DCAF15: variants seen among roughly 807,000 people sequenced by gnomAD.
DCAF15 encodes DDB1 and CUL4 associated factor 15, also known as DDB1- and CUL4-associated factor 15.
A neutral mutation model predicts 68.0 loss-of-function variants in DCAF15; 24 were observed. The observed-to-expected ratio is 0.35, with a 90% CI of 0.26 to 0.50. The LOEUF is 0.50. Ranked by LOEUF, DCAF15 falls within the 20% of genes least tolerant of loss-of-function variation. The probability of loss-of-function intolerance (pLI) is 0.98; values close to 1 mark genes in which losing one functional copy is unlikely to be tolerated. For synonymous variants in DCAF15, 376 were observed against 341.6 expected (o/e 1.10, Z -1.11); for missense variants, 627 against 830.6 (o/e 0.75, Z 3.01).
chr19:13,960,662 A>C, intron 12 of DCAF15, 82 bp downstream of exon 12: 2 of 1,354,704 alleles, frequency 1.5e-6, no homozygotes, highest in Non-Finnish European at 2.0e-6. Flanking sequence ...AGCGCTGATG[A>C]AATGGGTGGG....
At chr19:13,958,527 T>C (rs1973456699) in intron 6 of DCAF15, among the ~76,000 whole-genome samples, 1 of 152,114 alleles carries the variant, frequency 6.6e-6, no homozygotes, top group Admixed American at 6.5e-5. Flanking sequence ...TCTCCATGTG[T>C]TCCCCACATT....
In DCAF15 at chr19:13,954,585, G is replaced by C; in HGVS notation, c.290G>C (p.Ser97Thr). Residue 97 changes from serine (S) to threonine (T), a missense_variant, in exon 3 of 13, where the codon AGT becomes ACT. By Grantham distance (58) the Ser-to-Thr change is moderately conservative. This residue lies in a region of DCAF15 where 273 missense variants were observed against 393.7 expected (regional missense o/e 0.69). Transcript: ENST00000254337. The part of the protein sequence containing the change: ...GRYVLSYTSS[S>T]GDDDFSFYIY... Reference sequence around the variant, plus strand: ...TACGTCCTCTCCTACACCAGCAGCAGTGGGGATGACGACTTCTCCTTCTAC... The same window carrying C: ...TACGTCCTCTCCTACACCAGCAGCACTGGGGATGACGACTTCTCCTTCTAC... The C allele has an allele frequency of 6.2e-7, 1 of 1,614,216 alleles. No homozygotes were observed. Among genetic ancestry groups the C allele is most frequent in the Non-Finnish European group, 8.5e-7 (1 of 1,180,046 alleles).
rs781314168 is a variant in DCAF15 at position 13,956,199 on chromosome 19, A to G, written c.550A>G (p.Thr184Ala). 2.7e-5 allele frequency: 44 copies of G among 1,611,812 alleles called. No homozygotes were observed. Among genetic ancestry groups the G allele is most frequent in the South Asian group, 4.4e-5 (4 of 91,020 alleles). The change falls in exon 5 of 13, where the codon ACC becomes GCC. Residue 184 changes from threonine to alanine, a missense_variant. Transcript: ENST00000254337. ...DENHRDIYVSTVAVPPPGRCA... is the reference protein window; with the variant it reads ...DENHRDIYVSAVAVPPPGRCA... ...GAACCACCGTGACATCTACGTCAGC[A>G]CCGTGGCCGTGCCACCGCCAGGCCG...
intron 3 of DCAF15, 94 bp downstream of exon 3, chr19:13,954,755 G>A (rs919239518): frequency 1.5e-6 from 2 of 1,354,216 alleles, no homozygotes; most frequent in Middle Eastern, 2.1e-4. Flanking sequence ...GGTGTAAAAT[G>A]ATCATCATGT....
At chr19:13,958,783 GT>G (rs1973468171) in intron 6 of DCAF15, among the ~76,000 whole-genome samples, 1 of 152,112 alleles carries the variant, frequency 6.6e-6, no homozygotes, top group Non-Finnish European at 1.5e-5. Flanking sequence ...GGTTCTGTCT[GT>G]CTGGTTCACT....
At chr19:13,960,253 C>G (rs375251074) in intron 10 of DCAF15, 34 bp from the exon 11 acceptor site, 2 of 1,604,188 alleles carry the variant, frequency 1.2e-6, no homozygotes, top group African/African-American at 1.3e-5. Context: ...GCCCGGCTGT[C>G]CCAGCGTTTG....
At position 13,959,579 on chromosome 19, in the gene DCAF15, C is replaced by T; in HGVS notation, c.1220-3C>T. ...ACCCCACCCCCACTTCCTGCCTCCCCAGAGTTGGAGGACGACAAGATCTCC... is the reference window on the plus strand; with the variant it reads ...ACCCCACCCCCACTTCCTGCCTCCCTAGAGTTGGAGGACGACAAGATCTCC... On this transcript the variant is annotated splice_region_variant and splice_polypyrimidine_tract_variant and intron_variant, in intron 7 of 12. Coordinates refer to ENST00000254337, the MANE Select transcript of DCAF15 (RefSeq NM_138353.4). The T allele has an allele frequency of 6.2e-7, 1 of 1,613,076 alleles. No homozygotes were observed. The highest frequency in any genetic ancestry group is 8.5e-7 in the Non-Finnish European group (1 of 1,179,872).
At position 13,959,901 on chromosome 19, in the gene DCAF15, C is replaced by CCCAGGGCGGGCAGGGTGGGT. The variant is rs763354199; in HGVS notation, c.1440+25_1440+26insTCCAGGGCGGGCAGGGTGGG. ...ATGACATCGTCATTCTGGAGGTGGG[C>CCCAGGGCGGGCAGGGTGGGT]CCAGGGCGGGCAGGGTGGGCCCAGG... is the stretch of plus-strand genomic sequence containing the variant. On this transcript the variant is annotated splice_region_variant and intron_variant, in intron 9 of 12. Coordinates refer to ENST00000254337, the MANE Select transcript of DCAF15 (RefSeq NM_138353.4). 1.9e-6 allele frequency: 3 copies of CCCAGGGCGGGCAGGGTGGGT among 1,612,212 alleles called. No homozygotes were observed. Among genetic ancestry groups the CCCAGGGCGGGCAGGGTGGGT allele is most frequent in the Admixed American group, 1.7e-5 (1 of 60,016 alleles).
At chr19:13,960,608 A>G (rs1451711473) in intron 12 of DCAF15, 28 bp downstream of exon 12, 3 of 1,528,892 alleles carry the variant, frequency 2.0e-6, no homozygotes, top group Non-Finnish European at 2.7e-6. Flanking sequence ...CGTGATGGTC[A>G]GGGTCACCAG....
Position 13,959,285 on chromosome 19 carries a change from C to A in DCAF15, c.1025C>A (p.Ala342Asp), listed in dbSNP as rs780262152. 1.2e-6 allele frequency: 2 copies of A among 1,610,230 alleles called. No homozygotes were observed. The highest frequency in any genetic ancestry group is 2.2e-5 in the South Asian group (2 of 91,076). The change falls in exon 7 of 13, where the codon GCC (alanine) becomes GAC (aspartate). Residue 342 changes from alanine to aspartate, a missense_variant. Ala to Asp is a moderately radical substitution (Grantham distance 126). Around this residue, in one of 3 missense-constraint regions of DCAF15, gnomAD observed 236 missense variants for 225.1 expected, o/e 1.05. Transcript: ENST00000254337. The part of the protein sequence containing the change: ...KEAKGGVPEE[A>D]RPALCPGPSG... ...GCCAAGGGCGGGGTCCCTGAGGAAG[C>A]CCGGCCTGCCCTGTGCCCAGGACCC... is the stretch of plus-strand genomic sequence containing the variant.
At chr19:13,954,150 C>T (rs927176121) in intron 1 of DCAF15, among the ~76,000 whole-genome samples, 190 bp from the exon 2 acceptor site, 2 of 152,154 alleles carry the variant, frequency 1.3e-5, no homozygotes, top group African/African-American at 2.4e-5. Context: ...GGCTCAAGCG[C>T]GGTCCATCTG....
intron 9 of DCAF15, 35 bp from the exon 10 acceptor site, chr19:13,959,949 C>G: frequency 6.2e-7 from 1 of 1,605,838 alleles, no homozygotes. Flanking sequence ...CTGGGGTCGC[C>G]CTCAACAGTT....
In DCAF15 at chr19:13,952,576, G is replaced by A. The variant is rs1390368305; in HGVS notation, c.64G>A (p.Gly22Arg). ...GAGSGGGGPG[G>R]AGGKRAAGRR... The stretch of plus-strand genomic sequence containing the variant: ...TGGGAGCGGCGGCGGCGGCCCCGGG[G>A]GAGCCGGAGGGAAGCGGGCAGCAGG... The change falls in exon 1 of 13, where the codon GGA becomes AGA. Residue 22 changes from glycine (G) to arginine (R), a missense_variant. Gly to Arg is a moderately radical substitution (Grantham distance 125). This residue lies in a region of DCAF15 where 273 missense variants were observed against 393.7 expected (regional missense o/e 0.69). Transcript: ENST00000254337. The A allele has an allele frequency of 7.9e-7, 1 of 1,265,678 alleles. No homozygotes were observed. 78.4% of individuals were successfully genotyped at this position (1,265,678 alleles called of 1,614,324 possible).
rs779682188 is a variant in DCAF15, at chr19:13,959,436, G to A, written c.1176G>A (p.Leu392=). 1.2e-5 allele frequency: 19 copies of A among 1,610,148 alleles called. No homozygotes were observed. Among genetic ancestry groups the A allele is most frequent in the Non-Finnish European group, 1.6e-5 (19 of 1,179,786 alleles). The change falls in exon 7 of 13, where the codon CTG becomes CTA. Residue 392 remains leucine (L), a synonymous_variant. Coordinates refer to ENST00000254337, the MANE Select transcript of DCAF15 (RefSeq NM_138353.4). The part of the protein sequence containing the change: ...SEPGYVNYTK[L]YYVLESGEGT... ...CTGGCTATGTCAACTACACCAAGCT[G>A]TACTATGTGCTGGAGTCCGGAGAGG...
chr19:13,955,019 T>C (rs1352793523), intron 3 of DCAF15, among the ~76,000 whole-genome samples: 7 of 152,080 alleles, frequency 4.6e-5, no homozygotes, highest in Non-Finnish European at 1.0e-4. Context: ...GGCAGGAGGA[T>C]CACCTGAGCC....
At chr19:13,953,949 C>T (rs570027022) in intron 1 of DCAF15, among the ~76,000 whole-genome samples, 1 of 152,080 alleles carries the variant, frequency 6.6e-6, no homozygotes, top group Non-Finnish European at 1.5e-5. Flanking sequence ...GGACTCTGTC[C>T]CAGCCTCCTT....
chr19:13,953,405 C>A lies in DCAF15; in HGVS notation c.132+761C>A, dbSNP rs943677560. On this transcript the variant is annotated intron_variant, in intron 1 of 12. Transcript: ENST00000254337. ...TTGTAAGGGCAGTGCTGTGTCTCCCCCTTTTGACTGGGAGCTCCCTGGGCT... is the reference window on the plus strand; with the variant it reads ...TTGTAAGGGCAGTGCTGTGTCTCCCACTTTTGACTGGGAGCTCCCTGGGCT... 6.1e-5 allele frequency: 23 copies of A among 379,228 alleles called. No individual in the cohort carries two copies. The South Asian group carries it at 7.5e-4, about 12-fold the overall frequency. The allele number at this position is 379,228 out of a possible 1,614,324, so 23.5% of individuals were successfully genotyped here.
intron 1 of DCAF15, among the ~76,000 whole-genome samples, chr19:13,952,874 A>C (rs1010979877): frequency 2.5e-4 from 1 of 3,922 alleles, no homozygotes; most frequent in East Asian, 6.8e-3. Context: ...AGGGGCTGGG[A>C]TGGAGGGGGT....
At chr19:13,958,604 G>GGT (rs1205414173) in intron 6 of DCAF15, among the ~76,000 whole-genome samples, 1 of 152,120 alleles carries the variant, frequency 6.6e-6, no homozygotes, top group African/African-American at 2.4e-5. Flanking sequence ...TGCCCGCAGT[G>GGT]GTCTGGCTTG....
Sources: gnomAD v4.1 joint callset for allele counts (sites outside exome capture counted in the v4.1 genomes callset) on GRCh38, gnomAD v4.1.1 for gene constraint, gnomAD v4.1.1 regional missense constraint, MANE v1.5 for transcripts, NCBI Gene and HGNC (gene_info 2026-07-23, HGNC 2026-07-21) for gene names.